Variants in ZNG1C observed in about 807,000 individuals in gnomAD.
ZNG1C encodes the protein zinc-regulated GTPase metalloprotein activator 1C.
At chr9:68,249,043 C>G in the ZNG1C span, 1 of 481,730 alleles carries the variant, frequency 2.1e-6, no homozygotes, top group East Asian at 3.0e-5. Flanking sequence ...GAAAAGTACT[C>G]GTTTGTCATT....
the ZNG1C span, among the ~76,000 whole-genome samples, chr9:68,249,252 CCT>C: frequency 6.6e-6 from 1 of 150,636 alleles, no homozygotes; most frequent in Non-Finnish European, 1.5e-5. Flanking sequence ...AGTTCCAGAA[CCT>C]CTGAGGATAC....
At chr9:68,267,267 T>C in the ZNG1C span, among the ~76,000 whole-genome samples, 1,667 of 150,834 alleles carry the variant, frequency 0.011, no homozygotes, top group African/African-American at 0.039. Flanking sequence ...CATTAGGAGA[T>C]TATTTGCCAT....
the ZNG1C span, among the ~76,000 whole-genome samples, chr9:68,256,732 A>G: frequency 7.9e-6 from 1 of 126,586 alleles, no homozygotes; most frequent in Non-Finnish European, 1.6e-5. Flanking sequence ...AATGGGTATA[A>G]ATAGTAAAAG....
chr9:68,291,940 C>T, the ZNG1C span, among the ~76,000 whole-genome samples: 1 of 145,192 alleles, frequency 6.9e-6, no homozygotes, highest in African/African-American at 2.5e-5. Flanking sequence ...ACCCTCCTAC[C>T]ACCTCCACTG....
chr9:68,274,379 A>G, the ZNG1C span: 2 of 164,876 alleles, frequency 1.2e-5, no homozygotes, highest in African/African-American at 4.8e-5. Context: ...CCCATTCTGA[A>G]TGAATGAAAT....
At chr9:68,285,157 T>G in the ZNG1C span, among the ~76,000 whole-genome samples, 1 of 87,162 alleles carries the variant, frequency 1.1e-5, no homozygotes, top group African/African-American at 3.9e-5. Flanking sequence ...AATCTTTTCC[T>G]GAGCAACCAG....
chr9:68,257,016 G>GTTTTTTTTTTTT, the ZNG1C span: 62 of 108,496 alleles, frequency 5.7e-4, 5 homozygotes, highest in Admixed American at 1.3e-3. Flanking sequence ...ATCTTTCTTG[G>GTTTTTTTTTTTT]TTTTTTTTTT....
the ZNG1C span, among the ~76,000 whole-genome samples, chr9:68,272,188 C>G: frequency 4.9e-5 from 6 of 122,634 alleles, no homozygotes; most frequent in Non-Finnish European, 8.7e-5. Context: ...TGCAATTCCA[C>G]CCCCACCGAG....
At chr9:68,284,871 C>G in the ZNG1C span, among the ~76,000 whole-genome samples, 1 of 147,246 alleles carries the variant, frequency 6.8e-6, no homozygotes, top group Non-Finnish European at 1.5e-5. Context: ...CTTATGGGAA[C>G]TAAACTTAAA....
At chr9:68,266,678 C>G in the ZNG1C span, among the ~76,000 whole-genome samples, 1 of 144,186 alleles carries the variant, frequency 6.9e-6, no homozygotes, top group East Asian at 2.0e-4. Context: ...ATAATGTATT[C>G]TCACTCTGCC....
At chr9:68,248,840 C>G in the ZNG1C span, 4 of 491,230 alleles carry the variant, frequency 8.1e-6, no homozygotes, top group Non-Finnish European at 1.4e-5. Context: ...GAATTTGATG[C>G]AAAAGAAGGG....
the ZNG1C span, among the ~76,000 whole-genome samples, chr9:68,256,688 C>CT: frequency 7.6e-6 from 1 of 132,344 alleles, no homozygotes; most frequent in Non-Finnish European, 1.6e-5. Context: ...TAGAATTGGT[C>CT]TTTTTTAAAG....
At chr9:68,247,083 T>C in the ZNG1C span, among the ~76,000 whole-genome samples, 1 of 152,172 alleles carries the variant, frequency 6.6e-6, no homozygotes, top group Non-Finnish European at 1.5e-5. Context: ...CCGCCCGCCT[T>C]GGCCTCCCTA....
At chr9:68,286,597 A>C in the ZNG1C span, among the ~76,000 whole-genome samples, 1 of 144,124 alleles carries the variant, frequency 6.9e-6, no homozygotes. Context: ...CAGATCATAG[A>C]TCGTAGAGCT....
the ZNG1C span, among the ~76,000 whole-genome samples, chr9:68,267,112 G>A: frequency 1.3e-5 from 2 of 152,066 alleles, no homozygotes; most frequent in Admixed American, 6.5e-5. Context: ...ATTATTATTG[G>A]TTATCTTTAA....
At chr9:68,297,045 A>AT in the ZNG1C span, among the ~76,000 whole-genome samples, 2,647 of 148,878 alleles carry the variant, frequency 0.018, 12 homozygotes, top group Non-Finnish European at 0.025. Flanking sequence ...TTTCTTTTGT[A>AT]TTTTTTTTTT....
At chr9:68,291,731 G>A in the ZNG1C span, among the ~76,000 whole-genome samples, 9,670 of 151,074 alleles carry the variant, frequency 0.064, 406 homozygotes, top group Non-Finnish European at 0.084. Flanking sequence ...GCACTTTTCC[G>A]CTTTTCCTAT....
chr9:68,247,727 T>C, the ZNG1C span: 1 of 651,592 alleles, frequency 1.5e-6, no homozygotes, highest in Non-Finnish European at 2.5e-6. Context: ...ATGTGTTTAC[T>C]GTGTACATGG....
the ZNG1C span, among the ~76,000 whole-genome samples, chr9:68,276,912 G>C: frequency 3.7e-4 from 38 of 101,362 alleles, no homozygotes; most frequent in African/African-American, 1.4e-3. Context: ...GCCATTTTCA[G>C]GATATTGATT....
Sources: allele counts gnomAD v4.1 joint callset (sites outside exome capture counted in the v4.1 genomes callset), GRCh38; gene constraint gnomAD v4.1.1; transcripts MANE v1.5; gene names NCBI Gene and HGNC (gene_info 2026-07-23, HGNC 2026-07-21).